Variants in ACAN observed in about 807,000 individuals in gnomAD.
The protein encoded by ACAN is aggrecan core protein.
In ACAN, 47 loss-of-function variants were observed where a neutral mutation model predicts 169.1. The observed-to-expected ratio is 0.28, with a 90% CI of 0.22 to 0.35. The LOEUF (loss-of-function observed/expected upper bound fraction) is 0.35, where lower values mean the gene tolerates loss of function less well. Among genes scored for constraint, ACAN ranks in the 10% least tolerant of loss-of-function variants. ACAN has a pLI of 1.00. For synonymous variants in ACAN, 1,115 were observed against 1,112.2 expected (o/e 1.00, Z -0.05); for missense variants, 2,716 against 2,759.9 (o/e 0.98, Z 0.36).
At chr15:88,819,087 GC>G (rs1896011073) in intron 1 of ACAN, among the ~76,000 whole-genome samples, 1 of 152,186 alleles carries the variant, frequency 6.6e-6, no homozygotes, top group African/African-American at 2.4e-5. Flanking sequence ...AGCTGCTCTG[GC>G]ATCCTGTTGG....
chr15:88,857,240 G>T lies in ACAN; in HGVS notation c.4655G>T (p.Gly1552Val), dbSNP rs1897075132. 1 of 1,613,804 alleles carries T rather than the reference G, an allele frequency of 6.2e-7. No individual in the cohort carries two copies. The highest frequency in any genetic ancestry group is 2.2e-5 in the East Asian group (1 of 44,862). ...FGDLSGLPSG[G>V]EGLETSASEV... Reference sequence around the variant, plus strand: ...GACCTCAGTGGACTTCCTTCTGGAGGAGAAGGTCTAGAGACCTCTGCTTCT... The same window carrying T: ...GACCTCAGTGGACTTCCTTCTGGAGTAGAAGGTCTAGAGACCTCTGCTTCT... Residue 1552 changes from glycine to valine, a missense_variant, in exon 12 of 19, where the codon GGA (glycine) becomes GTA (valine). Gly to Val is a moderately radical substitution (Grantham distance 109). Transcript: ENST00000560601.
In ACAN at chr15:88,874,800, G is replaced by A; in HGVS notation, c.*319G>A. On this transcript the variant is annotated 3_prime_UTR_variant, in exon 19 of 19. Transcript: ENST00000560601. The surrounding 1 kb of genome is among the most constrained non-coding windows in gnomAD (Gnocchi z 7.3). ...CAGGGACAGGGGGAGAAGGGGAGGG[G>A]TTAAGTTAAATAAAGAAGATTATTT... 2.4e-6 allele frequency: 1 copy of A among 414,404 alleles called. No individual in the cohort carries two copies. Among genetic ancestry groups the A allele is most frequent in the Non-Finnish European group, 4.6e-6 (1 of 219,450 alleles). The allele number at this position is 414,404 out of a possible 1,614,324, so 25.7% of individuals were successfully genotyped here.
rs552045518 is a variant in ACAN, at chr15:88,871,137, G to T, written c.7061-245G>T. Among the ~76,000 whole-genome samples the T allele has an allele frequency of 5.9e-5, 9 of 152,296 alleles. No homozygotes were observed. In the East Asian group the frequency reaches 1.7e-3, roughly 29 times the overall value. On this transcript the variant is annotated intron_variant, in intron 14 of 18. Coordinates refer to ENST00000560601, the MANE Select transcript of ACAN (RefSeq NM_001369268.1). The surrounding 1 kb of genome is among the most constrained non-coding windows in gnomAD (Gnocchi z 7.8). ...GAGGAAAGCTTGGGAGAGGGTGAGG[G>T]GGGAGGGCGTGGCATCAGGGAAGGA...
Position 88,868,576 on chromosome 15 carries a change from A to G in ACAN, c.7060+247A>G, listed in dbSNP as rs1897318490. 6.6e-6 allele frequency among the ~76,000 whole-genome samples: 1 copy of G among 152,014 alleles called. No homozygotes were observed. The highest frequency in any genetic ancestry group is 2.4e-5 in the African/African-American group (1 of 41,392). On this transcript the variant is annotated intron_variant, in intron 14 of 18. Transcript: ENST00000560601. The surrounding 1 kb of genome is among the most constrained non-coding windows in gnomAD (Gnocchi z 5.2). ...GACTTTCTCCAGGGCTTCCAGATCT[A>G]CTGATGCCACCACCGAGGTTGGTGT... is the stretch of plus-strand genomic sequence containing the variant.
Position 88,843,288 on chromosome 15 carries a change from T to G in ACAN, c.758-67T>G. ...AAGACCTCGTGGAAAAGTGTGGATC[T>G]CTCTGGGGATGCAGAGCAGGGGGAG... is the stretch of plus-strand genomic sequence containing the variant. On this transcript the variant is annotated intron_variant, in intron 5 of 18. Transcript: ENST00000560601. This position sits in a 1 kb window ranked among gnomAD's most constrained non-coding sequence, Gnocchi z 4.0. 7.2e-7 allele frequency: 1 copy of G among 1,398,206 alleles called. No individual in the cohort carries two copies. Among genetic ancestry groups the G allele is most frequent in the Non-Finnish European group, 9.4e-7 (1 of 1,063,782 alleles). 86.6% of individuals were successfully genotyped at this position (1,398,206 alleles called of 1,614,324 possible).
intron 1 of ACAN, among the ~76,000 whole-genome samples, chr15:88,822,848 T>A (rs59885593): frequency 0.15 from 22,451 of 152,118 alleles, 1,795 homozygotes; most frequent in East Asian, 0.32. Context: ...CTTTCTTACC[T>A]TTGACTAGAT....
At position 88,874,072 on chromosome 15, in the gene ACAN, C is replaced by T. The variant is rs1214009257; in HGVS notation, c.7630+48C>T. The T allele has an allele frequency of 1.0e-5, 16 of 1,597,280 alleles. 1 individual carries two copies. The highest frequency in any genetic ancestry group is 9.4e-5 in the African/African-American group (7 of 74,852). On this transcript the variant is annotated intron_variant, in intron 18 of 18. Transcript: ENST00000560601. This position sits in a 1 kb window ranked among gnomAD's most constrained non-coding sequence, Gnocchi z 7.3. ...CGCTGAGCACAGGGTTAGATTCTGC[C>T]AGCACAGCCTTCCCCCCGTCCCCTC... is the stretch of plus-strand genomic sequence containing the variant.
At chr15:88,836,614 C>T (rs1896510300) in intron 2 of ACAN, among the ~76,000 whole-genome samples, 1 of 152,164 alleles carries the variant, frequency 6.6e-6, no homozygotes, top group Admixed American at 6.5e-5. Flanking sequence ...AGGGGCAGGA[C>T]ATAGACAAAC....
In ACAN at chr15:88,808,446, C is replaced by A. The variant is rs117926302; in HGVS notation, c.-8+4637C>A. The stretch of plus-strand genomic sequence containing the variant: ...GATAACATAGCAGTGAATAAATCAA[C>A]TCACTCTTCCTGCCCTCCACCTACT... On this transcript the variant is annotated intron_variant, in intron 1 of 18. Transcript: ENST00000560601. Among the ~76,000 whole-genome samples, 141 of 152,336 alleles carry A rather than the reference C, an allele frequency of 9.3e-4. 4 individuals carry two copies. The East Asian group carries it at 0.026, about 28-fold the overall frequency.
intron 6 of ACAN, among the ~76,000 whole-genome samples, chr15:88,845,026 T>A (rs1896758199): frequency 6.6e-6 from 1 of 152,218 alleles, no homozygotes; most frequent in African/African-American, 2.4e-5. Context: ...GGTACCCTCA[T>A]TTTTCCATGA....
chr15:88,848,761 A>C (rs1386547483), intron 9 of ACAN, among the ~76,000 whole-genome samples: 2 of 152,244 alleles, frequency 1.3e-5, no homozygotes, highest in Non-Finnish European at 2.9e-5. Context: ...ACTCGTTTCA[A>C]GACCCTGGGC....
At chr15:88,862,710 C>T (rs991333561) in intron 13 of ACAN, among the ~76,000 whole-genome samples, 7 of 152,154 alleles carry the variant, frequency 4.6e-5, no homozygotes, top group Non-Finnish European at 8.8e-5. Context: ...AAAAAGACCA[C>T]GGATCGGCCA....
intron 1 of ACAN, among the ~76,000 whole-genome samples, chr15:88,827,595 G>A (rs936797845): frequency 6.6e-5 from 10 of 152,172 alleles, no homozygotes; most frequent in African/African-American, 2.4e-4. Flanking sequence ...CATTAGTTGG[G>A]TGGCTACTTT....
In ACAN at chr15:88,872,975, A is replaced by T; in HGVS notation, c.7397A>T (p.Asn2466Ile). The change falls in exon 17 of 19, where the codon AAT (asparagine) becomes ATT (isoleucine). Residue 2466 changes from asparagine to isoleucine, a missense_variant. Physicochemically the swap from Asn to Ile is moderately radical, Grantham distance 149 (BLOSUM62 -3). Around this residue, in one of 3 missense-constraint regions of ACAN, gnomAD observed 1,389 missense variants for 1,363.7 expected, o/e 1.02. Transcript: ENST00000560601. This position sits in a 1 kb window ranked among gnomAD's most constrained non-coding sequence, Gnocchi z 5.4. The part of the protein sequence containing the change: ...VMIWHEKGEW[N>I]DVPCNYHLPF... ...ATCTGGCACGAGAAGGGCGAGTGGAATGATGTTCCCTGCAATTACCACCTC... is the reference window on the plus strand; with the variant it reads ...ATCTGGCACGAGAAGGGCGAGTGGATTGATGTTCCCTGCAATTACCACCTC... 6.2e-7 allele frequency: 1 copy of T among 1,613,828 alleles called. No homozygotes were observed. Among genetic ancestry groups the T allele is most frequent in the Non-Finnish European group, 8.5e-7 (1 of 1,179,884 alleles).
chr15:88,809,656 G>A (rs556209182), intron 1 of ACAN, among the ~76,000 whole-genome samples: 17 of 152,348 alleles, frequency 1.1e-4, no homozygotes, highest in African/African-American at 3.6e-4. Context: ...GCAAGATGCA[G>A]GGACCTCTGG....
intron 2 of ACAN, among the ~76,000 whole-genome samples, chr15:88,837,885 G>GT (rs1896544144): frequency 7.4e-6 from 1 of 134,846 alleles, no homozygotes; most frequent in African/African-American, 3.0e-5. Flanking sequence ...CATGAAAGGT[G>GT]CTTTTTTTTT....
chr15:88,831,459 G>A (rs1373625232), intron 1 of ACAN, among the ~76,000 whole-genome samples: 1 of 152,176 alleles, frequency 6.6e-6, no homozygotes, highest in South Asian at 2.1e-4. Flanking sequence ...TCAGCCCTCC[G>A]CCCCCCAAGG....
In ACAN at chr15:88,838,532, C is replaced by T; in HGVS notation, c.71-131C>T. 8.7e-7 allele frequency: 1 copy of T among 1,154,122 alleles called. No homozygotes were observed. Among genetic ancestry groups the T allele is most frequent in the Non-Finnish European group, 1.2e-6 (1 of 814,892 alleles). 71.5% of individuals were successfully genotyped at this position (1,154,122 alleles called of 1,614,324 possible). On this transcript the variant is annotated intron_variant, in intron 2 of 18. Transcript: ENST00000560601. The surrounding 1 kb of genome is among the most constrained non-coding windows in gnomAD (Gnocchi z 5.1). ...CCACATGACACGGGAGCATCCCCATCATAGAGACAGACACACTCATCGGAT... is the reference window on the plus strand; with the variant it reads ...CCACATGACACGGGAGCATCCCCATTATAGAGACAGACACACTCATCGGAT...
chr15:88,820,521 A>G (rs934505508), intron 1 of ACAN, among the ~76,000 whole-genome samples: 1 of 152,086 alleles, frequency 6.6e-6, no homozygotes, highest in Non-Finnish European at 1.5e-5. Flanking sequence ...ACTTTATTTA[A>G]TGCTACACCA....
Sources: allele counts gnomAD v4.1 joint callset (sites outside exome capture counted in the v4.1 genomes callset), GRCh38; gene constraint gnomAD v4.1.1; regional missense constraint gnomAD v4.1.1; non-coding constraint Gnocchi (gnomAD v3.1); transcripts MANE v1.5; gene names NCBI Gene and HGNC (gene_info 2026-07-23, HGNC 2026-07-21).